The following PTPRG variants were observed in gnomAD, a reference collection of about 807,000 sequenced individuals.
PTPRG encodes the protein receptor-type tyrosine-protein phosphatase gamma.
A neutral mutation model predicts 165.3 loss-of-function variants in PTPRG; 102 were observed. The observed-to-expected ratio is 0.62, with a 90% CI of 0.53 to 0.73. PTPRG has a LOEUF of 0.73. Among genes scored for constraint, PTPRG ranks in the 30% least tolerant of loss-of-function variants. PTPRG has a pLI of 0.00. For missense variants in PTPRG, 1,866 were observed against 1,861.4 expected (o/e 1.00, Z -0.05); for synonymous variants, 675 against 669.5 (o/e 1.01, Z -0.13).
At chr3:62,144,258 G>T (rs1390787195) in intron 6 of PTPRG, among the ~76,000 whole-genome samples, 2 of 152,150 alleles carry the variant, frequency 1.3e-5, no homozygotes, top group African/African-American at 4.8e-5. Context: ...AGTGTTGCCT[G>T]CACCCAGTAA....
intron 1 of PTPRG, among the ~76,000 whole-genome samples, chr3:61,737,977 TG>T (rs2032786012): frequency 3.3e-5 from 5 of 150,580 alleles, no homozygotes; most frequent in African/African-American, 1.2e-4. Flanking sequence ...GGCGCGATCT[TG>T]GCTCACTGCA....
At chr3:62,123,491 G>T (rs1030724000) in intron 5 of PTPRG, among the ~76,000 whole-genome samples, 2 of 151,980 alleles carry the variant, frequency 1.3e-5, no homozygotes, top group Admixed American at 1.3e-4. Context: ...GTATTTATTT[G>T]GGTTCAGTTA....
chr3:62,206,677 A>G (rs542528843), intron 12 of PTPRG, among the ~76,000 whole-genome samples: 2 of 152,246 alleles, frequency 1.3e-5, no homozygotes, highest in Admixed American at 1.3e-4. Flanking sequence ...TCACTCCTGT[A>G]GTCCCAGGAC....
At chr3:61,880,943 CTGTCT>C (rs2037871786) in intron 2 of PTPRG, among the ~76,000 whole-genome samples, 1 of 131,096 alleles carries the variant, frequency 7.6e-6, no homozygotes. Flanking sequence ...CCATGCTATG[CTGTCT>C]TTTTTTTTTT....
chr3:62,277,507 A>T, intron 25 of PTPRG, 44 bp from the exon 26 acceptor site: 1 of 1,592,150 alleles, frequency 6.3e-7, no homozygotes. Flanking sequence ...AAGTTAGAAT[A>T]AAACACTCAT....
At chr3:62,081,018 A>G (rs6789097) in intron 5 of PTPRG, among the ~76,000 whole-genome samples, 150,235 of 152,100 alleles carry the variant, frequency 0.99, 74,205 homozygotes, top group East Asian at 1. Context: ...AGCACTTTGG[A>G]AGGCCGAGGC....
chr3:62,015,021 C>G (rs533175417), intron 4 of PTPRG, among the ~76,000 whole-genome samples: 1 of 152,330 alleles, frequency 6.6e-6, no homozygotes, highest in South Asian at 2.1e-4. Context: ...AGTTCTGTGA[C>G]ATATGCCAGT....
At chr3:61,629,820 G>C (rs1701718073) in intron 1 of PTPRG, among the ~76,000 whole-genome samples, 1 of 152,176 alleles carries the variant, frequency 6.6e-6, no homozygotes, top group African/African-American at 2.4e-5. Flanking sequence ...TCTCCTAGAG[G>C]CTCTCTGTGT....
chr3:61,854,137 G>A (rs1048566287), intron 2 of PTPRG, among the ~76,000 whole-genome samples: 3 of 152,216 alleles, frequency 2.0e-5, no homozygotes, highest in Non-Finnish European at 4.4e-5. Context: ...TGAGAGAACA[G>A]CAGCCCTGTG....
intron 1 of PTPRG, among the ~76,000 whole-genome samples, chr3:61,695,337 C>A (rs536904418): frequency 1.3e-5 from 2 of 152,072 alleles, no homozygotes; most frequent in South Asian, 2.1e-4. Context: ...GCAAGGTCCT[C>A]CATTTTTTCA....
At chr3:61,707,547 G>C (rs1354063305) in intron 1 of PTPRG, among the ~76,000 whole-genome samples, 1 of 152,200 alleles carries the variant, frequency 6.6e-6, no homozygotes, top group East Asian at 1.9e-4. Flanking sequence ...CTTGTTAGCA[G>C]GGAAGGTTAG....
intron 2 of PTPRG, among the ~76,000 whole-genome samples, chr3:61,858,002 C>G (rs901981145): frequency 6.6e-6 from 1 of 152,146 alleles, no homozygotes; most frequent in Admixed American, 6.5e-5. Flanking sequence ...AAATTTCTCC[C>G]AGACATTGCA....
At chr3:62,078,401 T>C (rs1320431176) in intron 5 of PTPRG, 143 bp downstream of exon 5, 3 of 592,700 alleles carry the variant, frequency 5.1e-6, no homozygotes, top group Non-Finnish European at 8.7e-6. Context: ...GTCTAATGTG[T>C]GATTTAAAAT....
At chr3:61,698,073 A>G (rs1002442204) in intron 1 of PTPRG, among the ~76,000 whole-genome samples, 1 of 152,098 alleles carries the variant, frequency 6.6e-6, no homozygotes, top group Non-Finnish European at 1.5e-5. Context: ...AAGGTTACCT[A>G]TTTCTTAGAG....
intron 1 of PTPRG, among the ~76,000 whole-genome samples, chr3:61,622,499 C>G (rs895297716): frequency 6.6e-6 from 1 of 152,052 alleles, no homozygotes; most frequent in Non-Finnish European, 1.5e-5. Flanking sequence ...ACCTGCCACC[C>G]ATTTTGATTT....
chr3:61,948,491 T>A (rs996023297), intron 2 of PTPRG, among the ~76,000 whole-genome samples: 1 of 152,122 alleles, frequency 6.6e-6, no homozygotes, highest in Admixed American at 6.5e-5. Context: ...TCATGAAGCT[T>A]AAAACATTTT....
chr3:62,097,743 TTTCTA>T (rs1265149866), intron 5 of PTPRG, among the ~76,000 whole-genome samples: 3 of 152,210 alleles, frequency 2.0e-5, no homozygotes, highest in Non-Finnish European at 4.4e-5. Flanking sequence ...CTCTTCTTCT[TTTCTA>T]TTATTTTATA....
At chr3:61,692,171 T>C (rs906052091) in intron 1 of PTPRG, among the ~76,000 whole-genome samples, 1 of 152,254 alleles carries the variant, frequency 6.6e-6, no homozygotes, top group African/African-American at 2.4e-5. Flanking sequence ...AGTTAATGGT[T>C]TGATGAAGAG....
rs180742873 is a variant in PTPRG, at chr3:61,670,889, C to T, written c.86-77989C>T. The stretch of plus-strand genomic sequence containing the variant: ...TGTGACTATCGAAATCCCTGCTCTC[C>T]GGAGGCTTGCCCTGACTTGGGGTGG... On this transcript the variant is annotated intron_variant, in intron 1 of 29. Coordinates refer to ENST00000474889, the MANE Select transcript of PTPRG (RefSeq NM_002841.4). Among the ~76,000 whole-genome samples, 349 of 152,232 alleles carry T rather than the reference C, an allele frequency of 2.3e-3. 4 individuals are homozygous for T. Among genetic ancestry groups the T allele is most frequent in the African/African-American group, 7.8e-3 (324 of 41,534 alleles).
Sources: gnomAD v4.1 joint callset for allele counts (sites outside exome capture counted in the v4.1 genomes callset) on GRCh38, gnomAD v4.1.1 for gene constraint, MANE v1.5 for transcripts, NCBI Gene and HGNC (gene_info 2026-07-23, HGNC 2026-07-21) for gene names.